The following BRDT variants were observed in gnomAD, a reference collection of about 807,000 sequenced individuals.
The protein encoded by BRDT is bromodomain testis-specific protein.
In BRDT, 77 loss-of-function variants were observed where a neutral mutation model predicts 113.9. That is an observed-to-expected ratio of 0.68 (90% CI 0.56 to 0.82). BRDT has a LOEUF of 0.82. BRDT is among the 40% of genes least tolerant of loss of function. BRDT has a pLI of 0.00. For synonymous variants in BRDT, 358 were observed against 366.5 expected, an observed-to-expected ratio of 0.98 and a Z score of 0.26; for missense variants, 1,027 against 1,105.4, an observed-to-expected ratio of 0.93 and a Z score of 1.01.
Position 91,968,129 on chromosome 1 carries a change from T to G in BRDT, c.331-17T>G, listed in dbSNP as rs772653292. 2 of 1,612,594 alleles carry G rather than the reference T, an allele frequency of 1.2e-6. No individual in the cohort carries two copies. Among genetic ancestry groups the G allele is most frequent in the East Asian group, 4.5e-5 (2 of 44,830 alleles). The stretch of plus-strand genomic sequence containing the variant: ...CCATACTGTATATCCTTATGGTATA[T>G]TTAATATATTTTGTAGCCTGGAGAT... On this transcript the variant is annotated splice_polypyrimidine_tract_variant and intron_variant, in intron 3 of 18. Transcript: ENST00000399546.
At chr1:91,983,891 AG>A (rs1015275567) in intron 12 of BRDT, among the ~76,000 whole-genome samples, 27 of 152,208 alleles carry the variant, frequency 1.8e-4, no homozygotes, top group Middle Eastern at 6.8e-3. Context: ...CATGTTGTCC[AG>A]GCTGGTCTTG....
At position 91,977,180 on chromosome 1, in the gene BRDT, T is replaced by C; in HGVS notation, c.756T>C (p.Asn252=). 1 of 1,614,060 alleles carries C rather than the reference T, an allele frequency of 6.2e-7. No homozygotes were observed. Among genetic ancestry groups the C allele is most frequent in the East Asian group, 2.2e-5 (1 of 44,850 alleles). The change falls in exon 6 of 19, where the codon AAT becomes AAC. Residue 252 remains asparagine (N), a synonymous_variant. Coordinates refer to ENST00000399546, the MANE Select transcript of BRDT (RefSeq NM_207189.4). ...LPPIKENMPK[N]VLPDSQQQYN... is the part of the protein sequence containing the mutation. ...CTATAAAAGAAAATATGCCAAAGAA[T>C]GTTTTGCCAGATTCTCAGCAACAAT...
chr1:91,994,862 C>G (rs1230854952), intron 15 of BRDT, among the ~76,000 whole-genome samples: 7 of 91,710 alleles, frequency 7.6e-5, no homozygotes, highest in Middle Eastern at 5.2e-3. Context: ...AGCAAGACTC[C>G]GTCTCAAAAA....
At chr1:91,972,463 T>A (rs1291907086) in intron 4 of BRDT, among the ~76,000 whole-genome samples, 1 of 152,222 alleles carries the variant, frequency 6.6e-6, no homozygotes, top group African/African-American at 2.4e-5. Context: ...TTTGTCTGTT[T>A]CTTACACTAG....
chr1:91,990,961 C>A (rs1282310025), intron 12 of BRDT, among the ~76,000 whole-genome samples: 6 of 152,122 alleles, frequency 3.9e-5, no homozygotes, highest in Admixed American at 3.9e-4. Flanking sequence ...CCACACCGTG[C>A]TAATTTTTTG....
chr1:92,011,095 G>A (rs774788988), intron 18 of BRDT, among the ~76,000 whole-genome samples: 4 of 152,068 alleles, frequency 2.6e-5, no homozygotes, highest in Non-Finnish European at 5.9e-5. Flanking sequence ...ATTGGCTTTA[G>A]CTATAGTATT....
At chr1:91,988,923 CATAT>C (rs1292689903) in intron 12 of BRDT, among the ~76,000 whole-genome samples, 1 of 152,134 alleles carries the variant, frequency 6.6e-6, no homozygotes, top group African/African-American at 2.4e-5. Context: ...TTTTATGAGA[CATAT>C]ATAGTAGGTG....
At chr1:91,951,210 G>A (rs1281642404) in intron 1 of BRDT, among the ~76,000 whole-genome samples, 2 of 152,196 alleles carry the variant, frequency 1.3e-5, no homozygotes, top group African/African-American at 2.4e-5. Context: ...GAAGTAGCAA[G>A]AGATGAGTCT....
chr1:92,007,567 CCTT>C (rs1687434204), intron 18 of BRDT, among the ~76,000 whole-genome samples: 1 of 152,218 alleles, frequency 6.6e-6, no homozygotes, highest in African/African-American at 2.4e-5. Flanking sequence ...GACATGATCT[CCTT>C]CTTTATGTCT....
At chr1:91,996,577 C>T (rs927590860) in intron 15 of BRDT, among the ~76,000 whole-genome samples, 9 of 152,130 alleles carry the variant, frequency 5.9e-5, no homozygotes, top group African/African-American at 2.2e-4. Flanking sequence ...AAAATTGCTG[C>T]TTACCATGTA....
intron 6 of BRDT, 37 bp from the exon 7 acceptor site, chr1:91,978,131 A>T (rs780150195): frequency 6.4e-7 from 1 of 1,564,004 alleles, no homozygotes; most frequent in Non-Finnish European, 8.8e-7. Flanking sequence ...TATTGAATTG[A>T]ACTATTTGTG....
At chr1:91,969,113 T>A (rs895771279) in intron 4 of BRDT, among the ~76,000 whole-genome samples, 3 of 150,052 alleles carry the variant, frequency 2.0e-5, no homozygotes, top group Admixed American at 1.3e-4. Flanking sequence ...ATTTTTTGTA[T>A]TTTTTTTTAG....
chr1:91,964,186 G>T (rs1458491426), intron 2 of BRDT, among the ~76,000 whole-genome samples: 1 of 152,136 alleles, frequency 6.6e-6, no homozygotes, highest in African/African-American at 2.4e-5. Flanking sequence ...TCAAACTCCT[G>T]AGTAGCTGGG....
chr1:91,956,612 T>G (rs1681798140), intron 1 of BRDT, among the ~76,000 whole-genome samples: 1 of 152,180 alleles, frequency 6.6e-6, no homozygotes, highest in Non-Finnish European at 1.5e-5. Flanking sequence ...TCTAAGTCCC[T>G]GAATTTTCTG....
At chr1:91,991,540 G>C (rs1205402267) in intron 13 of BRDT, among the ~76,000 whole-genome samples, 1 of 152,168 alleles carries the variant, frequency 6.6e-6, no homozygotes, top group East Asian at 1.9e-4. Flanking sequence ...GATGGCCTTG[G>C]TATCCTGAAT....
At chr1:91,968,428 A>T (rs576861050) in intron 4 of BRDT, among the ~76,000 whole-genome samples, 168 bp downstream of exon 4, 1 of 152,322 alleles carries the variant, frequency 6.6e-6, no homozygotes, top group East Asian at 1.9e-4. Flanking sequence ...GATCACAAGG[A>T]TGGGTATCAT....
chr1:91,976,069 C>G (rs1328593), intron 4 of BRDT, among the ~76,000 whole-genome samples, 197 bp from the exon 5 acceptor site: 106,876 of 152,062 alleles, frequency 0.7, 38,814 homozygotes, highest in Middle Eastern at 0.81. Context: ...CCATTAATAA[C>G]AAATGTTGAA....
intron 3 of BRDT, among the ~76,000 whole-genome samples, chr1:91,966,005 G>A (rs1683032220): frequency 1.3e-5 from 2 of 152,152 alleles, no homozygotes; most frequent in East Asian, 1.9e-4. Flanking sequence ...TTGCCCATAT[G>A]ATATATGTAG....
At chr1:92,003,269 T>C (rs1309382390) in intron 16 of BRDT, among the ~76,000 whole-genome samples, 1 of 152,214 alleles carries the variant, frequency 6.6e-6, no homozygotes, top group Non-Finnish European at 1.5e-5. Context: ...ATACATTTTC[T>C]TTTGCCTTAT....
Sources: allele counts gnomAD v4.1 joint callset (sites outside exome capture counted in the v4.1 genomes callset), GRCh38; gene constraint gnomAD v4.1.1; transcripts MANE v1.5; gene names NCBI Gene and HGNC (gene_info 2026-07-23, HGNC 2026-07-21).